The following CSGALNACT1 variants were observed in gnomAD, a reference collection of about 807,000 sequenced individuals.
CSGALNACT1 encodes beta4GalNAcT-1.
Under a neutral mutation model 51.0 loss-of-function variants are expected in CSGALNACT1, and 52 were observed. The observed-to-expected ratio is 1.02, with a 90% CI of 0.82 to 1.29. CSGALNACT1 has a LOEUF of 1.29. CSGALNACT1 is among the 50% of genes most tolerant of loss of function. The pLI is 0.00. For missense variants in CSGALNACT1, 935 were observed against 679.2 expected (o/e 1.38, Z -4.19); for synonymous variants, 341 against 254.4 (o/e 1.34, Z -3.24).
At chr8:19,675,286 C>T (rs967219203) in intron 1 of CSGALNACT1, among the ~76,000 whole-genome samples, 1 of 152,154 alleles carries the variant, frequency 6.6e-6, no homozygotes, top group Admixed American at 6.5e-5. Context: ...GCAAAGTAAC[C>T]TAAGATAGGG....
chr8:19,506,847 T>G (rs1421259508), intron 3 of CSGALNACT1, among the ~76,000 whole-genome samples: 10 of 152,232 alleles, frequency 6.6e-5, no homozygotes, highest in Non-Finnish European at 1.5e-5. Context: ...CCATGCTTCC[T>G]GTACAGCCTG....
intron 3 of CSGALNACT1, among the ~76,000 whole-genome samples, chr8:19,586,543 A>T (rs577753597): frequency 2.0e-5 from 3 of 152,184 alleles, no homozygotes; most frequent in African/African-American, 7.2e-5. Context: ...AGACACACAG[A>T]ATCAGAAACT....
At position 19,459,297 on chromosome 8, in the gene CSGALNACT1, C is replaced by T. The variant is rs567531518; in HGVS notation, c.635-655G>A. ...ACTTGGGAGGCTGAGGCAGGAGAAT[C>T]GCTTGAACTCGGGAGGCAGAGGTTG... On this transcript the variant is annotated intron_variant, in intron 4 of 9. Coordinates refer to ENST00000454498, the Ensembl canonical transcript of CSGALNACT1. Among the ~76,000 whole-genome samples, 13 of 147,022 alleles carry T rather than the reference C, an allele frequency of 8.8e-5. No individual in the cohort carries two copies. In the South Asian group the frequency reaches 1.9e-3, roughly 22 times the overall value.
chr8:19,716,407 C>G (rs1398313743), intron 1 of CSGALNACT1, among the ~76,000 whole-genome samples: 1 of 151,976 alleles, frequency 6.6e-6, no homozygotes, highest in Non-Finnish European at 1.5e-5. Flanking sequence ...TTGTTCTATA[C>G]ATGGTTTATC....
At chr8:19,416,990 G>T (rs2057015289) in intron 8 of CSGALNACT1, among the ~76,000 whole-genome samples, 1 of 151,936 alleles carries the variant, frequency 6.6e-6, no homozygotes, top group African/African-American at 2.4e-5. Flanking sequence ...CTAGTAGCTG[G>T]GACTGTAGGT....
At chr8:19,636,099 G>T (rs372827595) in intron 1 of CSGALNACT1, among the ~76,000 whole-genome samples, 1 of 152,060 alleles carries the variant, frequency 6.6e-6, no homozygotes, top group African/African-American at 2.4e-5. Flanking sequence ...CCGTAGTCCC[G>T]CTTATCAGCG....
chr8:19,655,033 G>C (rs145036090), intron 1 of CSGALNACT1, among the ~76,000 whole-genome samples: 1 of 152,032 alleles, frequency 6.6e-6, no homozygotes, highest in African/African-American at 2.4e-5. Context: ...TAAAAAATGG[G>C]TATCAAAATA....
chr8:19,617,191 C>G (rs1273273745), intron 1 of CSGALNACT1, among the ~76,000 whole-genome samples: 1 of 152,128 alleles, frequency 6.6e-6, no homozygotes, highest in East Asian at 1.9e-4. Context: ...CTATGAGAAT[C>G]TAATGTCGCC....
intron 3 of CSGALNACT1, among the ~76,000 whole-genome samples, chr8:19,567,542 G>A (rs751053483): frequency 1.3e-5 from 2 of 152,158 alleles, no homozygotes; most frequent in African/African-American, 2.4e-5. Flanking sequence ...TTGGGGAAAC[G>A]TTAAAACTTC....
intron 1 of CSGALNACT1, among the ~76,000 whole-genome samples, chr8:19,749,184 AC>A (rs1225332182): frequency 6.7e-6 from 1 of 150,146 alleles, no homozygotes; most frequent in East Asian, 1.9e-4. Context: ...CATTTCAAGG[AC>A]TATTCCTCTT....
At chr8:19,445,519 A>T (rs1011684930) in intron 5 of CSGALNACT1, among the ~76,000 whole-genome samples, 3 of 152,170 alleles carry the variant, frequency 2.0e-5, no homozygotes, top group Non-Finnish European at 4.4e-5. Context: ...TGTGAGGTCT[A>T]CCTCCAAGGT....
At chr8:19,505,772 G>T (rs1017599385) in exon 4 of CSGALNACT1, 1 of 1,614,050 alleles carries the variant, frequency 6.2e-7, no homozygotes. Context: ...CACAGCAGAG[G>T]AGCACCAGCA....
chr8:19,546,948 A>T (rs181266923), intron 3 of CSGALNACT1, among the ~76,000 whole-genome samples: 3 of 152,286 alleles, frequency 2.0e-5, no homozygotes, highest in Non-Finnish European at 2.9e-5. Context: ...TCGCAGAGGG[A>T]GCTGAGAGTA....
chr8:19,698,050 T>C (rs957405167), intron 1 of CSGALNACT1, among the ~76,000 whole-genome samples: 6 of 145,230 alleles, frequency 4.1e-5, no homozygotes, highest in Non-Finnish European at 9.2e-5. Context: ...CACAGTGTTA[T>C]TCATGGGAGC....
intron 8 of CSGALNACT1, among the ~76,000 whole-genome samples, 176 bp from the exon 8 acceptor site, chr8:19,408,870 G>A (rs2054939269): frequency 6.6e-6 from 1 of 151,488 alleles, no homozygotes; most frequent in Non-Finnish European, 1.5e-5. Context: ...CAGGAATACA[G>A]TACACACACC....
intron 1 of CSGALNACT1, among the ~76,000 whole-genome samples, chr8:19,668,524 T>C (rs1188169114): frequency 6.6e-6 from 1 of 152,212 alleles, no homozygotes; most frequent in Non-Finnish European, 1.5e-5. Context: ...AACCCAAAGA[T>C]TCCTAGCTGT....
chr8:19,411,543 G>C (rs1302583769), intron 8 of CSGALNACT1, among the ~76,000 whole-genome samples: 1 of 152,186 alleles, frequency 6.6e-6, no homozygotes, highest in Admixed American at 6.5e-5. Context: ...GCCCAGCAAA[G>C]GCCTGGGAAA....
chr8:19,590,250 C>A (rs1247687130), intron 3 of CSGALNACT1, among the ~76,000 whole-genome samples: 2 of 152,176 alleles, frequency 1.3e-5, no homozygotes, highest in Non-Finnish European at 2.9e-5. Flanking sequence ...AAACTGCGCA[C>A]TGAGGTACGC....
intron 2 of CSGALNACT1, among the ~76,000 whole-genome samples, chr8:19,591,952 G>A (rs1379732531): frequency 6.6e-6 from 1 of 152,002 alleles, no homozygotes; most frequent in Non-Finnish European, 1.5e-5. Context: ...GAATAGATGT[G>A]ATACCTTGAT....
Sources: gnomAD v4.1 joint callset for allele counts (sites outside exome capture counted in the v4.1 genomes callset) on GRCh38, gnomAD v4.1.1 for gene constraint, MANE v1.5 for transcripts, NCBI Gene and HGNC (gene_info 2026-07-23, HGNC 2026-07-21) for gene names.